Variants in FBXL18 observed in about 807,000 individuals in gnomAD.
FBXL18 encodes the protein F-box/LRR-repeat protein 18.
A neutral mutation model predicts 46.0 loss-of-function variants in FBXL18; 36 were observed. The ratio of observed to expected loss-of-function variants is 0.78; its 90% CI spans 0.60 to 1.03. The LOEUF (loss-of-function observed/expected upper bound fraction) is 1.03, where lower values mean the gene tolerates loss of function less well. Among genes scored for constraint, FBXL18 ranks in the 50% least tolerant of loss-of-function variants. FBXL18 has a pLI of 0.00. For missense variants in FBXL18, 977 were observed against 1,004.1 expected, an observed-to-expected ratio of 0.97 and a Z score of 0.36; for synonymous variants, 557 against 465.3, an observed-to-expected ratio of 1.20 and a Z score of -2.54.
Position 5,501,186 on chromosome 7 carries a change from C to A in FBXL18, c.1083G>T (p.Ser361=), listed in dbSNP as rs772440774. The change falls in exon 3 of 5, where the codon TCG becomes TCT. Residue 361 remains serine (S), a synonymous_variant. Transcript: ENST00000382368. ...TGTCGTCCTCCGCCTTGCGGAGCAG[C>A]GAGTCTGGGGACAGGCAGTGGACGC... The part of the protein sequence containing the change: ...SGCVHCLSPD[S]LLRKAEDDID... 2.5e-6 allele frequency: 4 copies of A among 1,613,220 alleles called. No individual in the cohort carries two copies. In the South Asian group the frequency reaches 4.4e-5, roughly 18 times the overall value.
chr7:5,489,945 A>G (rs1219507865), intron 4 of FBXL18: 2 of 1,249,722 alleles, frequency 1.6e-6, no homozygotes, highest in Non-Finnish European at 2.1e-6. Context: ...ACTCTGTCTC[A>G]AACAAACAAA....
At position 5,500,927 on chromosome 7, in the gene FBXL18, A is replaced by C. The variant is rs1014982138; in HGVS notation, c.1342T>G (p.Phe448Val). The change falls in exon 3 of 5, where the codon TTT (phenylalanine) becomes GTT (valine). Residue 448 changes from phenylalanine (F) to valine (V), a missense_variant. Coordinates refer to ENST00000382368, the MANE Select transcript of FBXL18 (RefSeq NM_024963.6). Reference sequence around the variant, plus strand: ...ACGCCCACACGCACTTTCTTGCCAAAGCCGCGCGGCACTGCGTGCATGGCC... The same window carrying C: ...ACGCCCACACGCACTTTCTTGCCAACGCCGCGCGGCACTGCGTGCATGGCC... ...QPAMHAVPRG[F>V]GKKVRVGVQS... 2 of 1,562,698 alleles carry C rather than the reference A, an allele frequency of 1.3e-6. No homozygotes were observed. Among genetic ancestry groups the C allele is most frequent in the African/African-American group, 1.4e-5 (1 of 73,520 alleles).
downstream of FBXL18, among the ~76,000 whole-genome samples, chr7:5,472,541 ACCACATGGAGGGG>A (rs1168286813): frequency 2.0e-5 from 3 of 151,726 alleles, no homozygotes; most frequent in South Asian, 2.1e-4. Context: ...ACATGGAGAG[ACCACATGGAGGGG>A]CCACATGGAG....
At chr7:5,495,907 C>T in intron 3 of FBXL18, 1 of 475,394 alleles carries the variant, frequency 2.1e-6, no homozygotes, top group South Asian at 1.5e-5. Context: ...GGCTGCTGGG[C>T]ACAGGCTGGA....
rs377400245 is a variant in FBXL18 at position 5,500,584 on chromosome 7, G to T, written c.1685C>A (p.Ser562Tyr). Residue 562 changes from serine to tyrosine, a missense_variant, in exon 3 of 5, where the codon TCC becomes TAC. By Grantham distance (144) the Ser-to-Tyr change is moderately radical. Transcript: ENST00000382368. ...CATGCCCAGGTTGGCCAGCGACAGG[G>T]ACCGCAACTGCTGGCACTGCAGGCC... ...NIGLQCQQLR[S>Y]LSLANLGMMG... 6.2e-7 allele frequency: 1 copy of T among 1,613,532 alleles called. No individual in the cohort carries two copies. The highest frequency in any genetic ancestry group is 1.3e-5 in the African/African-American group (1 of 75,054).
At chr7:5,493,312 A>G (rs1171439839) in intron 3 of FBXL18, among the ~76,000 whole-genome samples, 1 of 152,050 alleles carries the variant, frequency 6.6e-6, no homozygotes, top group Non-Finnish European at 1.5e-5. Context: ...TCCAAGCTGG[A>G]TGACAGAGCA....
intron 1 of FBXL18, among the ~76,000 whole-genome samples, chr7:5,511,113 A>G (rs1784519689): frequency 6.6e-6 from 1 of 152,212 alleles, no homozygotes; most frequent in South Asian, 2.1e-4. Context: ...TGCCTGGCCT[A>G]GTTTTTTTCA....
At chr7:5,502,084 C>T (rs1784283032) in intron 2 of FBXL18, 53 bp from the exon 3 acceptor site, 2 of 1,348,706 alleles carry the variant, frequency 1.5e-6, no homozygotes, top group South Asian at 1.4e-5. Context: ...AAGGCACCTA[C>T]GGGTCTCCAA....
intron 4 of FBXL18, among the ~76,000 whole-genome samples, chr7:5,463,611 C>G (rs1426080581): frequency 6.7e-6 from 1 of 148,666 alleles, no homozygotes; most frequent in African/African-American, 2.5e-5. Context: ...AGGGTGAGAC[C>G]CTGTGTCAAA....
rs140503477 is a variant in FBXL18, at chr7:5,476,336, G to A, written c.*5439C>T. The A allele has an allele frequency of 5.9e-4, 90 of 152,342 alleles. No individual in the cohort carries two copies. Among genetic ancestry groups the A allele is most frequent in the African/African-American group, 1.2e-3 (49 of 41,560 alleles). 9.4% of individuals were successfully genotyped at this position (152,342 alleles called of 1,614,324 possible). ...TGGCCAGGGTTCCCATGGCGGGTCT[G>A]GTGGCAACAGCTTGGAGAAAAGCCT... On this transcript the variant is annotated 3_prime_UTR_variant, in exon 5 of 5. Coordinates refer to ENST00000382368, the MANE Select transcript of FBXL18 (RefSeq NM_024963.6).
intron 4 of FBXL18, among the ~76,000 whole-genome samples, chr7:5,482,500 C>A (rs1046396723): frequency 4.6e-5 from 7 of 151,274 alleles, no homozygotes; most frequent in Non-Finnish European, 8.9e-5. Flanking sequence ...GGCGACCCCC[C>A]CCCAATGCCC....
downstream of FBXL18, among the ~76,000 whole-genome samples, chr7:5,472,291 T>G (rs1202918610): frequency 6.6e-6 from 1 of 152,132 alleles, no homozygotes; most frequent in African/African-American, 2.4e-5. Context: ...AGAGGTCTTC[T>G]GCAATGACAG....
At chr7:5,503,842 C>T (rs1387137963) in intron 2 of FBXL18, among the ~76,000 whole-genome samples, 1 of 151,988 alleles carries the variant, frequency 6.6e-6, no homozygotes, top group Non-Finnish European at 1.5e-5. Context: ...TGGCAGGCGC[C>T]TGTAATCCCA....
chr7:5,468,043 C>T (rs1348496711), intron 4 of FBXL18, among the ~76,000 whole-genome samples: 3 of 150,274 alleles, frequency 2.0e-5, no homozygotes, highest in Non-Finnish European at 3.0e-5. Flanking sequence ...AGTGCAGTGG[C>T]ACGATCTCGG....
chr7:5,458,856 G>C (rs777435028), intron 4 of FBXL18, among the ~76,000 whole-genome samples: 4 of 152,024 alleles, frequency 2.6e-5, no homozygotes, highest in African/African-American at 9.7e-5. Context: ...CATTTTGAAA[G>C]CAAGTGTGGG....
chr7:5,511,435 T>A (rs550888154), intron 1 of FBXL18, among the ~76,000 whole-genome samples: 2 of 151,084 alleles, frequency 1.3e-5, no homozygotes, highest in African/African-American at 2.5e-5. Context: ...AAAAAAAAAA[T>A]GTATTTTTTT....
At chr7:5,505,025 T>C (rs1006629894) in intron 2 of FBXL18, among the ~76,000 whole-genome samples, 1 of 147,864 alleles carries the variant, frequency 6.8e-6, no homozygotes, top group Non-Finnish European at 1.5e-5. Flanking sequence ...TCCTGCACCC[T>C]GCTGGGGGGT....
chr7:5,489,050 C>T (rs1160944519), intron 4 of FBXL18: 1 of 300,828 alleles, frequency 3.3e-6, no homozygotes, highest in African/African-American at 2.2e-5. Context: ...CCCAGGCTGC[C>T]CCCCTGGTTC....
intron 4 of FBXL18, among the ~76,000 whole-genome samples, chr7:5,463,740 T>TTTTA (rs1562672341): frequency 1.1e-3 from 32 of 29,240 alleles, no homozygotes; most frequent in Non-Finnish European, 2.1e-3. Flanking sequence ...TTTTTTTTTT[T>TTTTA]TTTTTTTTTT....
Sources: gnomAD v4.1 joint callset for allele counts (sites outside exome capture counted in the v4.1 genomes callset) on GRCh38, gnomAD v4.1.1 for gene constraint, MANE v1.5 for transcripts, NCBI Gene and HGNC (gene_info 2026-07-23, HGNC 2026-07-21) for gene names.